Variants in ERCC6 observed in about 807,000 individuals in gnomAD.
The protein encoded by ERCC6 is ERCC excision repair 6, chromatin remodeling factor, also known as DNA excision repair protein ERCC-6.
Under a neutral mutation model 158.7 loss-of-function variants are expected in ERCC6, and 116 were observed. The observed-to-expected ratio is 0.73, with a 90% CI of 0.63 to 0.85. The LOEUF (loss-of-function observed/expected upper bound fraction) is 0.85, where lower values mean the gene tolerates loss of function less well. Ranked by LOEUF, ERCC6 falls within the 40% of genes least tolerant of loss-of-function variation. The pLI is 0.00. For missense variants in ERCC6, 1,698 were observed against 1,799.4 expected, an observed-to-expected ratio of 0.94 and a Z score of 1.02; for synonymous variants, 678 against 659.3, an observed-to-expected ratio of 1.03 and a Z score of -0.43.
rs1211800103 is a variant in ERCC6, at chr10:49,517,015, T to C, written c.1397+7018A>G. ...GATTCCTCATCAGAAACAGGTGCTGTAGCATTTTCAGGTGGTTGTATCACT... is the reference window on the plus strand; with the variant it reads ...GATTCCTCATCAGAAACAGGTGCTGCAGCATTTTCAGGTGGTTGTATCACT... On this transcript the variant is annotated intron_variant, in intron 5 of 20. Coordinates refer to ENST00000355832, the MANE Select transcript of ERCC6 (RefSeq NM_000124.4). 5.6e-6 allele frequency: 9 copies of C among 1,614,008 alleles called. No individual in the cohort carries two copies. Among genetic ancestry groups the C allele is most frequent in the Non-Finnish European group, 6.8e-6 (8 of 1,179,864 alleles).
intron 7 of ERCC6, among the ~76,000 whole-genome samples, chr10:49,498,192 C>T (rs1467630916): frequency 6.6e-6 from 1 of 152,114 alleles, no homozygotes; most frequent in African/African-American, 2.4e-5. Context: ...ACAAATCAAA[C>T]TTCTTTTACC....
At chr10:49,533,256 G>T (rs891057909) in intron 1 of ERCC6, among the ~76,000 whole-genome samples, 9 of 152,178 alleles carry the variant, frequency 5.9e-5, no homozygotes, top group Non-Finnish European at 1.3e-4. Context: ...CAAAATCCTG[G>T]GGTGATGGCC....
intron 5 of ERCC6, among the ~76,000 whole-genome samples, chr10:49,509,460 T>C (rs1851499867): frequency 6.6e-6 from 1 of 152,200 alleles, no homozygotes; most frequent in Admixed American, 6.6e-5. Flanking sequence ...TGATAGCTCA[T>C]CAAATGGATG....
the ERCC6 span, among the ~76,000 whole-genome samples, chr10:49,436,753 CAT>C: frequency 6.6e-6 from 1 of 152,180 alleles, no homozygotes; most frequent in African/African-American, 2.4e-5. Flanking sequence ...CAACCTCACT[CAT>C]GTGTACCGGG....
intron 5 of ERCC6, among the ~76,000 whole-genome samples, chr10:49,509,869 C>G (rs4253081): frequency 3.1e-4 from 47 of 152,302 alleles, no homozygotes; most frequent in African/African-American, 1.1e-3. Flanking sequence ...AAAATCCACA[C>G]ACGTAATAGT....
chr10:49,526,091 TTATATATTTATATATTTATATATTTTTA>T lies in ERCC6; in HGVS notation c.653-1342_653-1315del, dbSNP rs1296259351. 1.7e-3 allele frequency among the ~76,000 whole-genome samples: 183 copies of T among 108,548 alleles called. 1 individual carries two copies. Among genetic ancestry groups the T allele is most frequent in the East Asian group, 8.0e-3 (32 of 4,022 alleles). 71.2% of individuals were successfully genotyped at this position (108,548 alleles called of 152,430 possible). A position where few individuals can be genotyped will look rare whatever the true frequency, so the allele number is the denominator to read the frequency against. ...GCACATCTTTTGGTTTTATTTATAT[TTATATATTTATATATTTATATATTTTTA>T]TATATATATATATATATATATATAT... On this transcript the variant is annotated intron_variant, in intron 4 of 20. Transcript: ENST00000355832.
At chr10:49,437,916 T>C in the ERCC6 span, among the ~76,000 whole-genome samples, 1 of 152,226 alleles carries the variant, frequency 6.6e-6, no homozygotes, top group Non-Finnish European at 1.5e-5. Flanking sequence ...CACATGTGCA[T>C]ATAACATAGG....
At chr10:49,528,635 A>C in intron 3 of ERCC6, 110 bp from the exon 4 acceptor site, 2 of 1,336,092 alleles carry the variant, frequency 1.5e-6, no homozygotes, top group South Asian at 2.6e-5. Context: ...AAATAAAAAT[A>C]ATATACATTA....
intron 18 of ERCC6, among the ~76,000 whole-genome samples, chr10:49,469,572 A>C (rs1031758410): frequency 9.9e-5 from 15 of 152,230 alleles, no homozygotes; most frequent in Admixed American, 4.6e-4. Context: ...GCTAAATAAA[A>C]GTCTTTCTGA....
At chr10:49,459,574 C>A (rs1036349786) in intron 20 of ERCC6, among the ~76,000 whole-genome samples, 9 of 152,204 alleles carry the variant, frequency 5.9e-5, no homozygotes, top group African/African-American at 1.9e-4. Flanking sequence ...CCCAGGACCA[C>A]TTTCAGTACC....
At chr10:49,518,512 C>T (rs910831585) in intron 5 of ERCC6, among the ~76,000 whole-genome samples, 10 of 152,202 alleles carry the variant, frequency 6.6e-5, no homozygotes, top group South Asian at 6.2e-4. Flanking sequence ...ACCACTAAGT[C>T]GTACGCATTC....
chr10:49,489,426 A>G (rs746391541), intron 8 of ERCC6, among the ~76,000 whole-genome samples: 2 of 152,220 alleles, frequency 1.3e-5, no homozygotes, highest in Non-Finnish European at 2.9e-5. Context: ...AAATTTACCC[A>G]TTTTATAAGT....
At chr10:49,479,770 G>A (rs182413276) in intron 10 of ERCC6, among the ~76,000 whole-genome samples, 82 of 152,304 alleles carry the variant, frequency 5.4e-4, no homozygotes, top group African/African-American at 1.8e-3. Context: ...GCTGGGGAAC[G>A]GCCGGGCTGT....
At chr10:49,486,445 G>A (rs1365477038) in intron 8 of ERCC6, among the ~76,000 whole-genome samples, 1 of 151,542 alleles carries the variant, frequency 6.6e-6, no homozygotes, top group Non-Finnish European at 1.5e-5. Context: ...AAAATTAGTG[G>A]GTATTAAAAA....
Position 49,500,560 on chromosome 10 carries a change from T to C in ERCC6, c.1663A>G (p.Arg555Gly). ...FLAGLSYSKI[R>G]TRGSNYRFEG... ...TGCCTGTAATTTGAACCACGAGTCC[T>C]GATCTTGCTGTAGCTCAGACCTGCC... Residue 555 changes from arginine (R) to glycine (G), a missense_variant, in exon 7 of 21, where the codon AGG becomes GGG. By Grantham distance (125) the Arg-to-Gly change is moderately radical. Coordinates refer to ENST00000355832, the MANE Select transcript of ERCC6 (RefSeq NM_000124.4). 6.2e-7 allele frequency: 1 copy of C among 1,613,982 alleles called. No homozygotes were observed. Among genetic ancestry groups the C allele is most frequent in the Non-Finnish European group, 8.5e-7 (1 of 1,179,878 alleles).
intron 18 of ERCC6, among the ~76,000 whole-genome samples, chr10:49,468,872 T>C (rs1850722913): frequency 6.6e-6 from 1 of 152,026 alleles, no homozygotes. Context: ...CAAAGAATGG[T>C]GGGGACATAC....
At chr10:49,492,895 G>A (rs529795031) in intron 8 of ERCC6, among the ~76,000 whole-genome samples, 1 of 152,238 alleles carries the variant, frequency 6.6e-6, no homozygotes, top group Non-Finnish European at 1.5e-5. Context: ...AACAGACATT[G>A]TCACAACACC....
In ERCC6 at chr10:49,532,687, T is replaced by C. The variant is rs1482145771; in HGVS notation, c.278A>G (p.Gln93Arg). ...VEPSAQALEL[Q>R]GLGVDVYDQD... Reference sequence around the variant, plus strand: ...GTCATAGACGTCCACACCCAAACCCTGCAGCTCAAGGGCCTGGGCGCTAGG... The same window carrying C: ...GTCATAGACGTCCACACCCAAACCCCGCAGCTCAAGGGCCTGGGCGCTAGG... The change falls in exon 2 of 21, where the codon CAG becomes CGG. Residue 93 changes from glutamine (Q) to arginine (R), a missense_variant. Physicochemically the swap from Gln to Arg is conservative, Grantham distance 43 (BLOSUM62 1). Coordinates refer to ENST00000355832, the MANE Select transcript of ERCC6 (RefSeq NM_000124.4). 6 of 1,614,048 alleles carry C rather than the reference T, an allele frequency of 3.7e-6. No individual in the cohort carries two copies. Among genetic ancestry groups the C allele is most frequent in the Admixed American group, 3.3e-5 (2 of 60,002 alleles).
chr10:49,463,880 A>AT (rs1783733728), intron 18 of ERCC6, among the ~76,000 whole-genome samples: 1 of 152,224 alleles, frequency 6.6e-6, no homozygotes, highest in Non-Finnish European at 1.5e-5. Context: ...CTGTAAGTTG[A>AT]TTAAACCTCT....
Sources: allele counts gnomAD v4.1 joint callset (sites outside exome capture counted in the v4.1 genomes callset), GRCh38; gene constraint gnomAD v4.1.1; transcripts MANE v1.5; gene names NCBI Gene and HGNC (gene_info 2026-07-23, HGNC 2026-07-21).